Variants in ENAH observed in about 807,000 individuals in gnomAD.
The protein encoded by ENAH is protein enabled homolog.
In ENAH, 23 loss-of-function variants were observed where a neutral mutation model predicts 78.7. The ratio of observed to expected loss-of-function variants is 0.29; its 90% CI spans 0.21 to 0.41. The LOEUF (loss-of-function observed/expected upper bound fraction) is 0.41. ENAH is among the 10% of genes least tolerant of loss of function. The probability of loss-of-function intolerance (pLI) is 1.00; values close to 1 mark genes in which losing one functional copy is unlikely to be tolerated. For missense variants in ENAH, 544 were observed against 691.0 expected (o/e 0.79, Z 2.39); for synonymous variants, 226 against 241.0 (o/e 0.94, Z 0.58).
At position 225,606,355 on chromosome 1, in the gene ENAH, G is replaced by A. The variant is rs544450117; in HGVS notation, c.6-38941C>T. ...CAGGCACCTGTAATCCCAGCTACTC[G>A]GGAGGCTGAGGCAGAATTGCTTGAA... On this transcript the variant is annotated intron_variant, in intron 1 of 13. Coordinates refer to ENST00000366843, the MANE Select transcript of ENAH (RefSeq NM_018212.6). Among the ~76,000 whole-genome samples the A allele has an allele frequency of 7.2e-5, 11 of 151,890 alleles. No individual in the cohort carries two copies. In the South Asian group the frequency reaches 1.2e-3, roughly 17 times the overall value.
chr1:225,586,203 G>A (rs1485339199), intron 1 of ENAH, among the ~76,000 whole-genome samples: 4 of 130,664 alleles, frequency 3.1e-5, no homozygotes, highest in South Asian at 2.5e-4. Context: ...GCAGTGAGCC[G>A]AGGTTGCACC....
At chr1:225,571,669 C>G (rs1202741236) in intron 1 of ENAH, among the ~76,000 whole-genome samples, 1 of 152,180 alleles carries the variant, frequency 6.6e-6, no homozygotes, top group African/African-American at 2.4e-5. Flanking sequence ...ATTACTGCCC[C>G]CCGCCAACAA....
In ENAH at chr1:225,553,574, G is replaced by GA. The variant is rs1262114937; in HGVS notation, c.349+1331dup. On this transcript the variant is annotated intron_variant, in intron 3 of 13. Coordinates refer to ENST00000366843, the MANE Select transcript of ENAH (RefSeq NM_018212.6). ...ACTGACCTATCCAACAAGATATTAA[G>GA]AAAAAAAAAAAAAGAATCACAATTC... 5.3e-3 allele frequency among the ~76,000 whole-genome samples: 668 copies of GA among 125,208 alleles called. 2 individuals carry two copies. The highest frequency in any genetic ancestry group is 0.014 in the African/African-American group (477 of 34,300). 82.1% of individuals were successfully genotyped at this position (125,208 alleles called of 152,430 possible).
intron 1 of ENAH, among the ~76,000 whole-genome samples, chr1:225,610,402 G>A (rs2096981983): frequency 6.6e-6 from 1 of 152,142 alleles, no homozygotes; most frequent in Non-Finnish European, 1.5e-5. Context: ...AGGACCTACT[G>A]TGGGGTTATA....
intron 1 of ENAH, among the ~76,000 whole-genome samples, chr1:225,639,076 T>C (rs1228407204): frequency 1.3e-5 from 2 of 152,196 alleles, no homozygotes; most frequent in East Asian, 1.9e-4. Flanking sequence ...ACACAATGCA[T>C]ATCATCTACA....
chr1:225,520,294 C>CA (rs534721683), intron 4 of ENAH, among the ~76,000 whole-genome samples: 1,477 of 99,034 alleles, frequency 0.015, 10 homozygotes, highest in Admixed American at 0.027. Context: ...GACTCCACCT[C>CA]AAAAAAAAAA....
At chr1:225,615,432 G>C (rs1459289886) in intron 1 of ENAH, among the ~76,000 whole-genome samples, 2 of 152,214 alleles carry the variant, frequency 1.3e-5, no homozygotes, top group African/African-American at 4.8e-5. Flanking sequence ...GCCTCCCAAA[G>C]TGCCGAGATT....
chr1:225,597,839 T>G (rs2096909961), intron 1 of ENAH, among the ~76,000 whole-genome samples: 1 of 152,164 alleles, frequency 6.6e-6, no homozygotes, highest in Non-Finnish European at 1.5e-5. Context: ...TAACATCATA[T>G]TCTACTGAGA....
rs1409589879 is a variant in ENAH at position 225,495,139 on chromosome 1, A to C, written c.*2636T>G. The C allele has an allele frequency of 1.3e-5, 2 of 152,592 alleles. No individual in the cohort carries two copies. The highest frequency in any genetic ancestry group is 2.9e-5 in the Non-Finnish European group (2 of 68,014). The allele number at this position is 152,592 out of a possible 1,614,324, so 9.5% of individuals were successfully genotyped here. ...GCCATTTACATAGTGGATAGTACAGACTTGTCACAGGTCAGATCACAGTGT... is the reference window on the plus strand; with the variant it reads ...GCCATTTACATAGTGGATAGTACAGCCTTGTCACAGGTCAGATCACAGTGT... On this transcript the variant is annotated 3_prime_UTR_variant, in exon 14 of 14. Coordinates refer to ENST00000366843, the MANE Select transcript of ENAH (RefSeq NM_018212.6).
intron 1 of ENAH, among the ~76,000 whole-genome samples, chr1:225,571,484 G>C (rs1386285958): frequency 2.6e-5 from 4 of 152,156 alleles, no homozygotes; most frequent in Non-Finnish European, 5.9e-5. Flanking sequence ...CTGTTCAAGG[G>C]TCAACTGTAT....
chr1:225,509,717 T>G (rs1013314384), intron 10 of ENAH, among the ~76,000 whole-genome samples: 8 of 152,222 alleles, frequency 5.3e-5, no homozygotes, highest in Non-Finnish European at 1.2e-4. Context: ...CTTGATAATT[T>G]TATAAAAGGC....
chr1:225,498,280 AT>A, intron 13 of ENAH, 66 bp downstream of exon 13: 1 of 1,317,588 alleles, frequency 7.6e-7, no homozygotes, highest in Non-Finnish European at 1.1e-6. Context: ...CCTTATTTGC[AT>A]TTTCTTAAAA....
At chr1:225,612,936 A>T (rs1403254447) in intron 1 of ENAH, among the ~76,000 whole-genome samples, 1 of 152,214 alleles carries the variant, frequency 6.6e-6, no homozygotes, top group East Asian at 1.9e-4. Context: ...TGTCAACACT[A>T]AAAATGTTTA....
chr1:225,502,605 T>C (rs1222083623), intron 11 of ENAH, among the ~76,000 whole-genome samples: 1 of 152,174 alleles, frequency 6.6e-6, no homozygotes, highest in African/African-American at 2.4e-5. Context: ...CTTATATGAA[T>C]AGGGGGAAAA....
intron 3 of ENAH, among the ~76,000 whole-genome samples, chr1:225,547,445 CAATCAG>C (rs1286272251): frequency 6.6e-6 from 1 of 152,126 alleles, no homozygotes; most frequent in Non-Finnish European, 1.5e-5. Context: ...AAGTGAAGTA[CAATCAG>C]AACCACATTG....
At chr1:225,520,910 A>AAGGAAGGG (rs2096461711) in intron 4 of ENAH, among the ~76,000 whole-genome samples, 5 of 111,320 alleles carry the variant, frequency 4.5e-5, no homozygotes, top group South Asian at 3.5e-4. Flanking sequence ...AAAAGAAGGG[A>AAGGAAGGG]AGGAAGGGAG....
intron 1 of ENAH, among the ~76,000 whole-genome samples, chr1:225,616,413 G>A (rs1655702903): frequency 1.3e-5 from 2 of 151,184 alleles, no homozygotes; most frequent in Admixed American, 6.6e-5. Context: ...GTGACAATAT[G>A]TCAATATTAA....
At chr1:225,614,694 C>A (rs2097014635) in intron 1 of ENAH, among the ~76,000 whole-genome samples, 1 of 152,122 alleles carries the variant, frequency 6.6e-6, no homozygotes, top group Admixed American at 6.5e-5. Flanking sequence ...TATCCAGGAG[C>A]CCCAGCCACC....
intron 1 of ENAH, among the ~76,000 whole-genome samples, chr1:225,603,338 T>A (rs867884564): frequency 6.6e-6 from 1 of 152,282 alleles, no homozygotes; most frequent in Non-Finnish European, 1.5e-5. Flanking sequence ...TTGAGATACA[T>A]ACTTTAAAGC....
Sources: gnomAD v4.1 joint callset for allele counts (sites outside exome capture counted in the v4.1 genomes callset) on GRCh38, gnomAD v4.1.1 for gene constraint, MANE v1.5 for transcripts, NCBI Gene and HGNC (gene_info 2026-07-23, HGNC 2026-07-21) for gene names.